TUSC3: variants seen among roughly 807,000 people sequenced by gnomAD.
The protein encoded by TUSC3 is dolichyl-diphosphooligosaccharide--protein glycosyltransferase subunit TUSC3.
TUSC3 carries 45 observed loss-of-function variants against 44.8 expected under a neutral mutation model. The ratio of observed to expected loss-of-function variants is 1.00; its 90% CI spans 0.79 to 1.29. The LOEUF (loss-of-function observed/expected upper bound fraction) is 1.29, where lower values mean the gene tolerates loss of function less well. TUSC3 is among the 50% of genes most tolerant of loss of function. TUSC3 has a pLI of 0.00. For synonymous variants in TUSC3, 212 were observed against 152.9 expected (o/e 1.39, Z -2.85); for missense variants, 519 against 437.9 (o/e 1.19, Z -1.65).
At chr8:15,420,903 T>C (rs1316021697) in intron 1 of TUSC3, among the ~76,000 whole-genome samples, 1 of 152,186 alleles carries the variant, frequency 6.6e-6, no homozygotes, top group African/African-American at 2.4e-5. Flanking sequence ...TCTCAGTCTT[T>C]AATCTTCTAC....
chr8:15,558,472 TTTG>T (rs59362317), intron 1 of TUSC3, among the ~76,000 whole-genome samples: 3,229 of 68,438 alleles, frequency 0.047, 283 homozygotes, highest in African/African-American at 0.13. Context: ...ATTCTCTTTT[TTTG>T]TTGTGTCTCT....
the TUSC3 span, among the ~76,000 whole-genome samples, chr8:15,844,535 G>C: frequency 2.6e-5 from 4 of 152,112 alleles, no homozygotes; most frequent in African/African-American, 9.7e-5. Flanking sequence ...ATTAGAAAAA[G>C]ATCACATGTC....
At chr8:15,540,685 G>T in intron 1 of TUSC3, 117 bp downstream of exon 1, 3 of 1,363,108 alleles carry the variant, frequency 2.2e-6, no homozygotes, top group Non-Finnish European at 2.9e-6. Flanking sequence ...GGCGATGCCG[G>T]CGCTGGGGCG....
At chr8:15,738,041 C>T (rs1044162026) in intron 7 of TUSC3, among the ~76,000 whole-genome samples, 1 of 152,120 alleles carries the variant, frequency 6.6e-6, no homozygotes, top group Non-Finnish European at 1.5e-5. Flanking sequence ...GGTTAGCGAG[C>T]TTAAAGCCAT....
At chr8:15,507,865 A>G (rs1197434694) in intron 2 of TUSC3, among the ~76,000 whole-genome samples, 2 of 152,190 alleles carry the variant, frequency 1.3e-5, no homozygotes, top group South Asian at 2.1e-4. Context: ...CCCAAGAGGT[A>G]CAGTCAGATG....
rs527657303 is a variant in TUSC3, at chr8:15,584,043, TA to T, written c.139-39034del. On this transcript the variant is annotated intron_variant, in intron 1 of 10. Transcript: ENST00000503731. ...AGAATATGTTGTTTAAACAGGTACTTAAAGGCAGTGTAATCAAACACAGCAG... is the reference window on the plus strand; with the variant it reads ...AGAATATGTTGTTTAAACAGGTACTTAAGGCAGTGTAATCAAACACAGCAG... 3.4e-3 allele frequency among the ~76,000 whole-genome samples: 517 copies of T among 152,352 alleles called. 4 individuals are homozygous for T. Among genetic ancestry groups the T allele is most frequent in the African/African-American group, 0.012 (496 of 41,584 alleles).
intron 2 of TUSC3, among the ~76,000 whole-genome samples, chr8:15,640,061 T>G (rs1252631227): frequency 6.6e-6 from 1 of 152,192 alleles, no homozygotes; most frequent in East Asian, 1.9e-4. Context: ...TTGGGAATTT[T>G]TCCACCATTA....
intron 1 of TUSC3, among the ~76,000 whole-genome samples, chr8:15,574,160 T>TA (rs1449137220): frequency 1.3e-5 from 2 of 152,264 alleles, no homozygotes; most frequent in African/African-American, 4.8e-5. Context: ...AGTCACCTGT[T>TA]AGTGTTTTGT....
At chr8:15,528,066 G>A (rs896584311) in intron 2 of TUSC3, among the ~76,000 whole-genome samples, 1 of 152,052 alleles carries the variant, frequency 6.6e-6, no homozygotes, top group Non-Finnish European at 1.5e-5. Flanking sequence ...AATAGATGAT[G>A]AACTCTTACA....
intron 2 of TUSC3, among the ~76,000 whole-genome samples, chr8:15,641,075 T>C (rs1324158612): frequency 6.6e-6 from 1 of 152,076 alleles, no homozygotes; most frequent in South Asian, 2.1e-4. Flanking sequence ...AAAAGCTAGG[T>C]TGAGGCCGGG....
chr8:15,532,858 T>C lies in TUSC3; in HGVS notation n.189+49375T>C, dbSNP rs1013866757. 2.2e-4 allele frequency among the ~76,000 whole-genome samples: 33 copies of C among 152,160 alleles called. 1 individual carries two copies. The highest frequency in any genetic ancestry group is 8.0e-4 in the African/African-American group (33 of 41,436). On this transcript the variant is annotated intron_variant and non_coding_transcript_variant, in intron 2 of 5. Coordinates refer to the TUSC3 transcript ENST00000503191. ...CCCAGGCTGGAGTGCAATGGCACGA[T>C]CTCCGCTCACTGCAACCTCCACCTC...
At chr8:15,843,816 T>G in the TUSC3 span, among the ~76,000 whole-genome samples, 3 of 152,048 alleles carry the variant, frequency 2.0e-5, no homozygotes, top group African/African-American at 7.2e-5. Flanking sequence ...AACATAGCTT[T>G]GTCCTTGAAT....
chr8:15,681,560 T>TTC (rs1356857589), intron 6 of TUSC3, among the ~76,000 whole-genome samples: 1 of 3,766 alleles, frequency 2.7e-4, no homozygotes, highest in Non-Finnish European at 8.7e-4. Context: ...ATCTTTTCTC[T>TTC]TTTTTTTTTT....
chr8:15,695,280 C>T (rs563592000), intron 6 of TUSC3, among the ~76,000 whole-genome samples: 3 of 152,154 alleles, frequency 2.0e-5, no homozygotes, highest in African/African-American at 7.2e-5. Context: ...AGGTCTTTAT[C>T]ATGCTTATTC....
chr8:15,635,218 T>A (rs1013591222), intron 2 of TUSC3, among the ~76,000 whole-genome samples: 1 of 152,208 alleles, frequency 6.6e-6, no homozygotes, highest in Non-Finnish European at 1.5e-5. Flanking sequence ...CCACATCTCT[T>A]GTATTGATCA....
At chr8:15,652,976 A>G (rs1806984160) in intron 3 of TUSC3, among the ~76,000 whole-genome samples, 1 of 152,234 alleles carries the variant, frequency 6.6e-6, no homozygotes, top group Admixed American at 6.5e-5. Context: ...TACTTAGTGT[A>G]TTAAACATCT....
intron 1 of TUSC3, among the ~76,000 whole-genome samples, chr8:15,569,637 A>C (rs561348582): frequency 5.3e-5 from 8 of 152,186 alleles, no homozygotes; most frequent in Non-Finnish European, 1.0e-4. Context: ...AGATGACAGG[A>C]GTAAACTGGG....
At chr8:15,499,471 A>T (rs1245944774) in intron 2 of TUSC3, among the ~76,000 whole-genome samples, 2 of 152,150 alleles carry the variant, frequency 1.3e-5, no homozygotes, top group East Asian at 3.9e-4. Context: ...AATTCTTCTG[A>T]TATCTATCAC....
the TUSC3 span, among the ~76,000 whole-genome samples, chr8:15,828,535 G>A: frequency 6.6e-6 from 1 of 152,146 alleles, no homozygotes; most frequent in African/African-American, 2.4e-5. Context: ...TTAGAAAGTA[G>A]TAAACAAATG....
Sources: allele counts gnomAD v4.1 joint callset (sites outside exome capture counted in the v4.1 genomes callset), GRCh38; gene constraint gnomAD v4.1.1; transcripts MANE v1.5; gene names NCBI Gene and HGNC (gene_info 2026-07-23, HGNC 2026-07-21).